The following NLGN4Y variants were observed in gnomAD, a reference collection of about 807,000 sequenced individuals.
NLGN4Y encodes the protein neuroligin-4, Y-linked.
NLGN4Y carries 4 observed loss-of-function variants against 8.4 expected under a neutral mutation model. That is an observed-to-expected ratio of 0.48 (90% CI 0.23 to 1.09). The LOEUF (loss-of-function observed/expected upper bound fraction) is 1.09, where lower values mean the gene tolerates loss of function less well. NLGN4Y is among the 50% of genes least tolerant of loss of function. The pLI, the probability that NLGN4Y is intolerant of heterozygous loss-of-function variation, is 0.19. For missense variants in NLGN4Y, 90 were observed against 192.3 expected, an observed-to-expected ratio of 0.47 and a Z score of 3.15; for synonymous variants, 35 against 75.6, an observed-to-expected ratio of 0.46 and a Z score of 2.78.
intron 1 of NLGN4Y, 75 bp downstream of exon 1, chrY:14,524,783 G>T (rs1191142474): frequency 8.2e-6 from 1 of 121,947 alleles, no homozygotes; most frequent in Non-Finnish European, 1.8e-5. Flanking sequence ...GTTCCGGCCT[G>T]CGCCTTCCAC....
chrY:14,797,271 GT>G (rs2043015027), intron 4 of NLGN4Y, among the ~76,000 whole-genome samples: 3 of 27,556 alleles, frequency 1.1e-4, no homozygotes, highest in Non-Finnish European at 2.6e-4. Flanking sequence ...TATTTTCCCA[GT>G]TTTTTTTGTT....
chrY:14,613,254 A>C (rs964348415), intron 1 of NLGN4Y, among the ~76,000 whole-genome samples: 1 of 32,543 alleles, frequency 3.1e-5, no homozygotes, highest in East Asian at 8.2e-4. Context: ...TCAGCTGAGC[A>C]AGACAACTTG....
intron 1 of NLGN4Y, among the ~76,000 whole-genome samples, chrY:14,570,547 T>A: frequency 6.0e-5 from 2 of 33,447 alleles, no homozygotes; most frequent in Non-Finnish European, 1.5e-4. Flanking sequence ...GTATGGTCCT[T>A]CCCTCTACTC....
At chrY:14,776,820 C>T (rs2081128086) in intron 4 of NLGN4Y, among the ~76,000 whole-genome samples, 1 of 31,905 alleles carries the variant, frequency 3.1e-5, no homozygotes, top group Non-Finnish European at 7.6e-5. Context: ...TGAGAGTTTC[C>T]TATAATTTTC....
intron 2 of NLGN4Y, among the ~76,000 whole-genome samples, chrY:14,658,941 C>A: frequency 6.0e-5 from 2 of 33,419 alleles, no homozygotes; most frequent in South Asian, 6.8e-4. Context: ...CCACATGGCA[C>A]CTTCTTGGTT....
intron 5 of NLGN4Y, among the ~76,000 whole-genome samples, chrY:14,828,281 ATG>A (rs2043156466): frequency 3.2e-5 from 1 of 30,835 alleles, no homozygotes; most frequent in Non-Finnish European, 7.7e-5. Flanking sequence ...GTATATATAT[ATG>A]TGTGTGTGTA....
At chrY:14,590,953 C>G in intron 1 of NLGN4Y, among the ~76,000 whole-genome samples, 1 of 33,321 alleles carries the variant, frequency 3.0e-5, no homozygotes, top group Non-Finnish European at 7.4e-5. Flanking sequence ...TGCAAACTAT[C>G]TGACAAATCG....
chrY:14,629,388 C>G, intron 2 of NLGN4Y, among the ~76,000 whole-genome samples: 1 of 33,724 alleles, frequency 3.0e-5, no homozygotes, highest in Non-Finnish European at 7.3e-5. Flanking sequence ...TGGACTATGT[C>G]CAGCTGGTAG....
chrY:14,794,161 G>T, intron 4 of NLGN4Y, among the ~76,000 whole-genome samples: 3 of 32,458 alleles, frequency 9.2e-5, no homozygotes, highest in Admixed American at 2.9e-4. Context: ...ATTAGAGAAT[G>T]TTTCATGATA....
In NLGN4Y at chrY:14,800,425, A is replaced by G; in HGVS notation, c.686-23763A>G. Among the ~76,000 whole-genome samples the G allele has an allele frequency of 9.3e-5, 3 of 32,371 alleles. No individual in the cohort carries two copies. In the East Asian group the frequency reaches 2.3e-3, roughly 25 times the overall value. 86.8% of individuals were successfully genotyped at this position (32,371 alleles called of 37,273 possible). A position where few individuals can be genotyped will look rare whatever the true frequency, so the allele number is the denominator to read the frequency against. Reference sequence around the variant, plus strand: ...TAACTAAAGGAAGTCATTTTTGATAATTTGATTTATATACATACATATATC... The same window carrying G: ...TAACTAAAGGAAGTCATTTTTGATAGTTTGATTTATATACATACATATATC... On this transcript the variant is annotated intron_variant, in intron 4 of 6. Coordinates refer to ENST00000684976, the MANE Select transcript of NLGN4Y (RefSeq NM_001365588.1).
chrY:14,745,360 T>A (rs2081020767), intron 4 of NLGN4Y, among the ~76,000 whole-genome samples: 2 of 33,580 alleles, frequency 6.0e-5, no homozygotes, highest in Non-Finnish European at 1.5e-4. Flanking sequence ...TGCATCACAG[T>A]CATGGCTCTG....
intron 2 of NLGN4Y, among the ~76,000 whole-genome samples, chrY:14,691,309 T>G: frequency 3.0e-5 from 1 of 33,654 alleles, no homozygotes; most frequent in Admixed American, 2.7e-4. Context: ...TTGTTTCCTA[T>G]GAATTTGCTG....
intron 4 of NLGN4Y, among the ~76,000 whole-genome samples, chrY:14,801,747 A>C (rs1603504199): frequency 3.1e-5 from 1 of 32,620 alleles, no homozygotes; most frequent in South Asian, 6.9e-4. Flanking sequence ...TGATATTAAG[A>C]ATAACACAGC....
At chrY:14,806,612 G>T in intron 4 of NLGN4Y, among the ~76,000 whole-genome samples, 1 of 31,753 alleles carries the variant, frequency 3.1e-5, no homozygotes, top group Non-Finnish European at 7.6e-5. Context: ...AGCTGCTCTG[G>T]TATGTGATCC....
chrY:14,595,477 C>T, intron 1 of NLGN4Y, among the ~76,000 whole-genome samples: 1 of 32,943 alleles, frequency 3.0e-5, no homozygotes, highest in South Asian at 7.0e-4. Context: ...ATTTGCCTTC[C>T]CTCTTACAGA....
intron 2 of NLGN4Y, among the ~76,000 whole-genome samples, chrY:14,635,195 T>C: frequency 2.9e-5 from 1 of 34,084 alleles, no homozygotes; most frequent in Non-Finnish European, 7.3e-5. Context: ...AATGATGCTA[T>C]TGATCTCCTA....
At chrY:14,584,190 C>T in intron 1 of NLGN4Y, among the ~76,000 whole-genome samples, 1 of 33,554 alleles carries the variant, frequency 3.0e-5, no homozygotes, top group Non-Finnish European at 7.4e-5. Context: ...TACAGTGGCA[C>T]GATCAGGGCT....
intron 6 of NLGN4Y, among the ~76,000 whole-genome samples, chrY:14,837,997 T>G (rs2043203263): frequency 3.0e-5 from 1 of 33,222 alleles, no homozygotes; most frequent in African/African-American, 1.2e-4. Flanking sequence ...ACGAGGAATC[T>G]TCACTTCCAT....
At chrY:14,626,259 G>T (rs2080526962) in intron 2 of NLGN4Y, among the ~76,000 whole-genome samples, 1 of 33,629 alleles carries the variant, frequency 3.0e-5, no homozygotes, top group African/African-American at 1.2e-4. Flanking sequence ...TCGTGGTCTT[G>T]CTGACTTCAG....
Sources: allele counts gnomAD v4.1 joint callset (sites outside exome capture counted in the v4.1 genomes callset), GRCh38; gene constraint gnomAD v4.1.1; transcripts MANE v1.5; gene names NCBI Gene and HGNC (gene_info 2026-07-23, HGNC 2026-07-21).